The following ABCG8 variants were observed in gnomAD, a reference collection of about 807,000 sequenced individuals.
The protein encoded by ABCG8 is ATP-binding cassette sub-family G member 8.
ABCG8 carries 81 observed loss-of-function variants against 71.3 expected under a neutral mutation model. The ratio of observed to expected loss-of-function variants is 1.14; its 90% confidence interval spans 0.95 to 1.37. The LOEUF is 1.37. Ranked by LOEUF, ABCG8 falls within the 40% of genes most tolerant of loss-of-function variation. The probability of loss-of-function intolerance (pLI) is 0.00; values close to 1 mark genes in which losing one functional copy is unlikely to be tolerated. For synonymous variants in ABCG8, 451 were observed against 354.7 expected (o/e 1.27, Z -3.05); for missense variants, 1,119 against 866.2 (o/e 1.29, Z -3.66).
intron 10 of ABCG8, 57 bp from the exon 11 acceptor site, chr2:43,875,089 A>G (rs1669913387): frequency 3.1e-6 from 5 of 1,612,400 alleles, no homozygotes; most frequent in African/African-American, 2.7e-5. Flanking sequence ...TTAAACGTTT[A>G]TAATAATGGC....
rs990017081 is a variant in ABCG8, at chr2:43,846,476, C to G, written c.322+165C>G. ...GGTCAGACAGACCTGGGCTCAAATC[C>G]TGGCTCCTCCATTTGCTGGCTTGAG... On this transcript the variant is annotated intron_variant, in intron 3 of 12. Coordinates refer to ENST00000272286, the MANE Select transcript of ABCG8 (RefSeq NM_022437.3). 5 of 1,012,160 alleles carry G rather than the reference C, an allele frequency of 4.9e-6. No individual in the cohort carries two copies. The African/African-American group carries it at 8.0e-5, about 16-fold the overall frequency. 62.7% of individuals were successfully genotyped at this position (1,012,160 alleles called of 1,614,324 possible). A position where few individuals can be genotyped will look rare whatever the true frequency, so the allele number is the denominator to read the frequency against.
At position 43,878,129 on chromosome 2, in the gene ABCG8, C is replaced by T; in HGVS notation, c.*216C>T. 4.6e-6 allele frequency: 3 copies of T among 658,444 alleles called. No homozygotes were observed. Among genetic ancestry groups the T allele is most frequent in the Non-Finnish European group, 5.2e-6 (2 of 386,480 alleles). 40.8% of individuals were successfully genotyped at this position (658,444 alleles called of 1,614,324 possible). A position where few individuals can be genotyped will look rare whatever the true frequency, so the allele number is the denominator to read the frequency against. On this transcript the variant is annotated 3_prime_UTR_variant, in exon 13 of 13. Transcript: ENST00000272286. ...ATTTCTGCTCACTGGCAGGAGACTG[C>T]GATGACTGGGAGAAAACCTGCACTC...
rs1313157502 is a variant in ABCG8, at chr2:43,877,928, C to T, written c.*15C>T. The T allele has an allele frequency of 6.2e-7, 1 of 1,614,132 alleles. No homozygotes were observed. Among genetic ancestry groups the T allele is most frequent in the South Asian group, 1.1e-5 (1 of 91,072 alleles). The stretch of plus-strand genomic sequence containing the variant: ...AAGACTGGTGATTCACGCCAGACGT[C>T]TGCCCGCTGGTGGGGGACCTGAGCA... On this transcript the variant is annotated 3_prime_UTR_variant, in exon 13 of 13. Transcript: ENST00000272286.
rs200104130 is a variant in ABCG8, at chr2:43,852,912, C to T, written c.964+44C>T. On this transcript the variant is annotated intron_variant, in intron 6 of 12. Coordinates refer to ENST00000272286, the MANE Select transcript of ABCG8 (RefSeq NM_022437.3). ...CAGCCAGGGCCCTGGCACACAGGGC[C>T]TCCCCGATGCTTAAACCCTGCCCAA... 2.9e-4 allele frequency: 466 copies of T among 1,609,238 alleles called. 6 individuals are homozygous for T. In the African/African-American group the frequency reaches 5.7e-3, roughly 20 times the overall value.
intron 6 of ABCG8, among the ~76,000 whole-genome samples, chr2:43,859,683 TTCTCACTATCTGGATAGAAC>T (rs1204183206): frequency 6.6e-6 from 1 of 150,754 alleles, no homozygotes; most frequent in African/African-American, 2.4e-5. Flanking sequence ...CTGGATAGAA[TTCTCACTATCTGGATAGAAC>T]TCTCACTATC....
At chr2:43,846,398 T>G in intron 3 of ABCG8, 87 bp downstream of exon 3, 3 of 1,578,992 alleles carry the variant, frequency 1.9e-6, no homozygotes, top group Non-Finnish European at 2.6e-6. Context: ...CTTATGGAGC[T>G]CTTTGCTGAC....
At chr2:43,855,612 C>G (rs528207386) in intron 6 of ABCG8, among the ~76,000 whole-genome samples, 4 of 152,326 alleles carry the variant, frequency 2.6e-5, no homozygotes, top group East Asian at 3.9e-4. Context: ...AATTATCACT[C>G]TCTGGATAGA....
chr2:43,854,866 G>A (rs1382850449), intron 6 of ABCG8, among the ~76,000 whole-genome samples: 1 of 152,170 alleles, frequency 6.6e-6, no homozygotes, highest in East Asian at 1.9e-4. Flanking sequence ...CAGCTGTGGT[G>A]TGGGGTTGCC....
chr2:43,852,150 C>T lies in ABCG8; in HGVS notation c.562-204C>T, dbSNP rs74732112. 8.6e-3 allele frequency among the ~76,000 whole-genome samples: 1,313 copies of T among 152,378 alleles called. 21 individuals are homozygous for T. Among genetic ancestry groups the T allele is most frequent in the African/African-American group, 0.03 (1,243 of 41,582 alleles). On this transcript the variant is annotated intron_variant, in intron 4 of 12. Transcript: ENST00000272286. ...CTGCCACGTTCCTAACACAGGGCAC[C>T]ATGCCCAGCACGTCGAGGCCCCTCG...
rs554481243 is a variant in ABCG8, at chr2:43,881,046, A to T, written c.*3133A>T. On this transcript the variant is annotated 3_prime_UTR_variant, in exon 13 of 13. Transcript: ENST00000272286. ...GTTAGGCCTGAATGAAGAAGGGGGAAGGATGAAGAGGACATTGGTAGCTTG... is the reference window on the plus strand; with the variant it reads ...GTTAGGCCTGAATGAAGAAGGGGGATGGATGAAGAGGACATTGGTAGCTTG... 3.3e-5 allele frequency: 5 copies of T among 152,382 alleles called. No homozygotes were observed. The highest frequency in any genetic ancestry group is 9.6e-5 in the African/African-American group (4 of 41,584). The allele number at this position is 152,382 out of a possible 1,614,324, so 9.4% of individuals were successfully genotyped here. A position where few individuals can be genotyped will look rare whatever the true frequency, so the allele number is the denominator to read the frequency against.
chr2:43,872,770 T>A (rs1669826073), intron 8 of ABCG8, among the ~76,000 whole-genome samples: 1 of 152,160 alleles, frequency 6.6e-6, no homozygotes, highest in Non-Finnish European at 1.5e-5. Flanking sequence ...AGAACACCCC[T>A]ATTGCTTTTA....
rs1448823675 is a variant in ABCG8, at chr2:43,878,352, C to T, written c.*439C>T. The T allele has an allele frequency of 1.7e-5, 5 of 289,976 alleles. No homozygotes were observed. In the East Asian group the frequency reaches 3.2e-4, roughly 19 times the overall value. The allele number at this position is 289,976 out of a possible 1,614,324, so 18.0% of individuals were successfully genotyped here. A position where few individuals can be genotyped will look rare whatever the true frequency, so the allele number is the denominator to read the frequency against. ...GGGCCCCACACTCCGTGGTGAGCCA[C>T]CATCAATACAGAAAGTGACCTAAGA... On this transcript the variant is annotated 3_prime_UTR_variant, in exon 13 of 13. Transcript: ENST00000272286.
rs59205872 is a variant in ABCG8 at position 43,846,036 on chromosome 2, G to T, written c.166-119G>T. On this transcript the variant is annotated intron_variant, in intron 2 of 12. Transcript: ENST00000272286. ...CCTGGGTTGGGGCCTATTGTGTGTA[G>T]GTGAGGACATATCCTCTGTGGAGAG... 60 of 1,055,704 alleles carry T rather than the reference G, an allele frequency of 5.7e-5. 1 individual carries two copies. Among genetic ancestry groups the T allele is most frequent in the Admixed American group, 3.5e-5 (2 of 57,396 alleles). The allele number at this position is 1,055,704 out of a possible 1,614,324, so 65.4% of individuals were successfully genotyped here. A position where few individuals can be genotyped will look rare whatever the true frequency, so the allele number is the denominator to read the frequency against.
intron 4 of ABCG8, among the ~76,000 whole-genome samples, chr2:43,852,095 T>G (rs896162825): frequency 6.6e-6 from 1 of 152,206 alleles, no homozygotes; most frequent in Admixed American, 6.5e-5. Context: ...TGGGCCTCCA[T>G]GTGGGTAGAG....
At chr2:43,844,418 G>T (rs575300132) in intron 1 of ABCG8, 89 bp from the exon 2 acceptor site, 3 of 1,035,394 alleles carry the variant, frequency 2.9e-6, no homozygotes, top group Non-Finnish European at 3.0e-6. Context: ...GCTCTAAGAA[G>T]TTGCTCTCAC....
chr2:43,847,928 T>C (rs1668796363), intron 3 of ABCG8: 1 of 143,538 alleles, frequency 7.0e-6, no homozygotes, highest in African/African-American at 2.9e-5. Context: ...GCCTGGCTCA[T>C]TTTTTTTTGT....
chr2:43,848,930 G>C (rs1187501556), intron 3 of ABCG8, among the ~76,000 whole-genome samples: 2 of 150,856 alleles, frequency 1.3e-5, no homozygotes, highest in African/African-American at 4.9e-5. Context: ...GCTGATGTGG[G>C]AGAATCGCTT....
intron 8 of ABCG8, among the ~76,000 whole-genome samples, chr2:43,873,323 G>C (rs1240043449): frequency 6.6e-6 from 1 of 151,834 alleles, no homozygotes; most frequent in Admixed American, 6.6e-5. Flanking sequence ...CAAGTAGCTG[G>C]GATTACAGGT....
At chr2:43,841,788 T>C (rs960474773) in intron 1 of ABCG8, among the ~76,000 whole-genome samples, 11 of 152,162 alleles carry the variant, frequency 7.2e-5, no homozygotes, top group African/African-American at 2.4e-4. Context: ...TGGAACCCAG[T>C]TGGGCTGCAG....
Sources: allele counts gnomAD v4.1 joint callset (sites outside exome capture counted in the v4.1 genomes callset), GRCh38; gene constraint gnomAD v4.1.1; transcripts MANE v1.5; gene names NCBI Gene and HGNC (gene_info 2026-07-23, HGNC 2026-07-21).